The following STAT5B variants were observed in gnomAD, a reference collection of about 807,000 sequenced individuals.
The protein encoded by STAT5B is transcription factor STAT5B.
STAT5B carries 21 observed loss-of-function variants against 107.8 expected under a neutral mutation model. That is an observed-to-expected ratio of 0.19 (90% CI 0.14 to 0.28). STAT5B has a LOEUF of 0.28. STAT5B is among the 10% of genes least tolerant of loss of function. The pLI is 1.00. For synonymous variants in STAT5B, 325 were observed against 401.7 expected (o/e 0.81, Z 2.28); for missense variants, 565 against 1,008.2 (o/e 0.56, Z 5.95).
chr17:42,265,897 A>T (rs528374253), intron 1 of STAT5B, among the ~76,000 whole-genome samples: 1 of 152,178 alleles, frequency 6.6e-6, no homozygotes, highest in South Asian at 2.1e-4. Context: ...GGCTATTTGT[A>T]GTTCTTCTTT....
At chr17:42,232,506 C>T (rs1316456317) in intron 1 of STAT5B, among the ~76,000 whole-genome samples, 1 of 152,084 alleles carries the variant, frequency 6.6e-6, no homozygotes, top group East Asian at 1.9e-4. Flanking sequence ...ACCTCAGCCT[C>T]CTAAAGTGCT....
chr17:42,275,367 T>C (rs2080756051), intron 1 of STAT5B: 1 of 152,240 alleles, frequency 6.6e-6, no homozygotes, highest in Non-Finnish European at 1.5e-5. Flanking sequence ...AAAATTCTTG[T>C]GCTTTTCATT....
At chr17:42,214,185 C>G in intron 12 of STAT5B, 1 of 976,808 alleles carries the variant, frequency 1.0e-6, no homozygotes, top group Non-Finnish European at 1.2e-6. Flanking sequence ...TGTAAGTAGT[C>G]ATTAACATAG....
chr17:42,217,191 A>C lies in STAT5B; in HGVS notation c.1349T>G (p.Val450Gly), dbSNP rs753839151. Residue 450 changes from valine (V) to glycine (G), a missense_variant, in exon 11 of 19, where the codon GTT becomes GGT. Transcript: ENST00000293328. ...FTILFESQFS[V>G]GGNELVFQVK... ...TTGAAAAACCAGCTCATTTCCACCA[A>C]CACTGAACTGGGATTCAAACAGGAT... 9 of 1,613,958 alleles carry C rather than the reference A, an allele frequency of 5.6e-6. No homozygotes were observed. The highest frequency in any genetic ancestry group is 5.9e-6 in the Non-Finnish European group (7 of 1,179,928).
intron 1 of STAT5B, among the ~76,000 whole-genome samples, chr17:42,270,030 C>CA (rs2080709166): frequency 1.3e-5 from 2 of 151,818 alleles, no homozygotes; most frequent in South Asian, 4.2e-4. Context: ...GCCAACATGT[C>CA]AAAACCCCGT....
chr17:42,287,336 C>CCCCCG, the STAT5B span, among the ~76,000 whole-genome samples: 1 of 150,746 alleles, frequency 6.6e-6, no homozygotes, highest in African/African-American at 2.5e-5. Context: ...ATGCACCCCC[C>CCCCCG]CCAACAGAAC....
chr17:42,202,015 T>G, intron 18 of STAT5B, 151 bp from the exon 19 acceptor site: 1 of 740,766 alleles, frequency 1.3e-6, no homozygotes, highest in Non-Finnish European at 2.3e-6. Flanking sequence ...AACAGCTGGC[T>G]GTACAGCAAC....
intron 11 of STAT5B, among the ~76,000 whole-genome samples, chr17:42,216,653 C>T (rs1280785341): frequency 1.3e-5 from 2 of 151,790 alleles, no homozygotes; most frequent in Non-Finnish European, 2.9e-5. Flanking sequence ...GTTAGGATTA[C>T]AGATGTGAGC....
intron 5 of STAT5B, among the ~76,000 whole-genome samples, chr17:42,220,492 C>CT (rs1422772296): frequency 6.6e-6 from 1 of 152,206 alleles, no homozygotes; most frequent in Non-Finnish European, 1.5e-5. Context: ...CCCGGCGGCT[C>CT]TGTCTAGTCC....
At position 42,219,843 on chromosome 17, in the gene STAT5B, C is replaced by G; in HGVS notation, c.551-1G>C. On this transcript the variant is annotated splice_acceptor_variant, in intron 5 of 18. Coordinates refer to ENST00000293328, the MANE Select transcript of STAT5B (RefSeq NM_012448.4). LOFTEE classifies it high-confidence loss of function. ...AGCTGGGCCAGCGGGCCAAACTGAG[C>G]TAGAGGAGGGGAGAGGAAACCATGA... 6.2e-7 allele frequency: 1 copy of G among 1,614,180 alleles called. No individual in the cohort carries two copies. The highest frequency in any genetic ancestry group is 8.5e-7 in the Non-Finnish European group (1 of 1,180,022).
At chr17:42,266,603 AG>A (rs1371986489) in intron 1 of STAT5B, among the ~76,000 whole-genome samples, 2 of 151,234 alleles carry the variant, frequency 1.3e-5, no homozygotes, top group Non-Finnish European at 2.9e-5. Context: ...GGCCCGGTGC[AG>A]TGACTCATTC....
At chr17:42,232,970 T>G (rs2080329228) in intron 1 of STAT5B, among the ~76,000 whole-genome samples, 2 of 151,484 alleles carry the variant, frequency 1.3e-5, no homozygotes, top group African/African-American at 4.9e-5. Flanking sequence ...GCCTCCCAAG[T>G]AGCTGAGATT....
chr17:42,262,809 T>TACACACATATATGTGTGTATATATAC, intron 1 of STAT5B, among the ~76,000 whole-genome samples: 1 of 122,962 alleles, frequency 8.1e-6, no homozygotes, highest in South Asian at 2.5e-4. Context: ...TGTGTATATA[T>TACACACATATATGTGTGTATATATAC]ACACACATAT....
chr17:42,245,461 C>T (rs891287125), intron 1 of STAT5B, among the ~76,000 whole-genome samples: 2 of 151,988 alleles, frequency 1.3e-5, no homozygotes, highest in African/African-American at 2.4e-5. Flanking sequence ...ATGCAATTCT[C>T]TTGTCTCAGC....
At chr17:42,246,102 T>C (rs550536438) in intron 1 of STAT5B, among the ~76,000 whole-genome samples, 10 of 152,318 alleles carry the variant, frequency 6.6e-5, no homozygotes, top group African/African-American at 2.2e-4. Flanking sequence ...TTTGGTACAA[T>C]TTTTGTAAAG....
At chr17:42,214,401 G>A in intron 12 of STAT5B, 1 of 984,368 alleles carries the variant, frequency 1.0e-6, no homozygotes, top group East Asian at 1.1e-4. Flanking sequence ...GAGTTTGTAA[G>A]TGAAGTATGG....
intron 16 of STAT5B, among the ~76,000 whole-genome samples, chr17:42,207,031 C>A (rs1297999738): frequency 6.6e-6 from 1 of 151,818 alleles, no homozygotes; most frequent in Non-Finnish European, 1.5e-5. Flanking sequence ...TGCCTGCCAC[C>A]ACACCTAATT....
chr17:42,217,705 T>C (rs560910492), intron 9 of STAT5B: 1 of 533,452 alleles, frequency 1.9e-6, no homozygotes, highest in East Asian at 3.5e-5. Flanking sequence ...TTTTTTTTTT[T>C]GTGACGGAGT....
chr17:42,267,511 A>G (rs2080683758), intron 1 of STAT5B, among the ~76,000 whole-genome samples: 1 of 152,058 alleles, frequency 6.6e-6, no homozygotes, highest in South Asian at 2.1e-4. Context: ...AAAGTTTTGA[A>G]AAATTAAAAA....
Sources: allele counts gnomAD v4.1 joint callset (sites outside exome capture counted in the v4.1 genomes callset), GRCh38; gene constraint gnomAD v4.1.1; transcripts MANE v1.5; gene names NCBI Gene and HGNC (gene_info 2026-07-23, HGNC 2026-07-21).